Variants in ATP8B4 observed in about 807,000 individuals in gnomAD.
ATP8B4 encodes the protein probable phospholipid-transporting ATPase IM.
Under a neutral mutation model 145.6 loss-of-function variants are expected in ATP8B4, and 133 were observed. That is an observed-to-expected ratio of 0.91 (90% CI 0.79 to 1.05). The LOEUF is 1.05. Among genes scored for constraint, ATP8B4 ranks in the 50% least tolerant of loss-of-function variants. The pLI, the probability that ATP8B4 is intolerant of heterozygous loss-of-function variation, is 0.00. For synonymous variants in ATP8B4, 507 were observed against 492.9 expected, an observed-to-expected ratio of 1.03 and a Z score of -0.38; for missense variants, 1,458 against 1,425.2, an observed-to-expected ratio of 1.02 and a Z score of -0.37.
At chr15:50,066,183 A>G (rs2053371215) in intron 3 of ATP8B4, among the ~76,000 whole-genome samples, 1 of 152,152 alleles carries the variant, frequency 6.6e-6, no homozygotes, top group Non-Finnish European at 1.5e-5. Flanking sequence ...TCCAAAAAAT[A>G]TATTTTCTCC....
In ATP8B4 at chr15:49,858,641, A is replaced by G. The variant is rs1326127686; in HGVS notation, c.*1553T>C. On this transcript the variant is annotated 3_prime_UTR_variant, in exon 28 of 28. Transcript: ENST00000284509. ...AAGGACTCTGTAGAATTAGAAGTTG[A>G]TTTGTAGAAAACCATTAAGACATGA... 6.6e-6 allele frequency: 1 copy of G among 152,212 alleles called. No homozygotes were observed. Among genetic ancestry groups the G allele is most frequent in the African/African-American group, 2.4e-5 (1 of 41,460 alleles). 9.4% of individuals were successfully genotyped at this position (152,212 alleles called of 1,614,324 possible).
chr15:50,126,608 G>A (rs1296463092), intron 1 of ATP8B4, among the ~76,000 whole-genome samples: 2 of 152,140 alleles, frequency 1.3e-5, no homozygotes, highest in East Asian at 1.9e-4. Flanking sequence ...ATTATTTTAA[G>A]CTACTATTAC....
chr15:49,865,070 A>G (rs1283744749), intron 26 of ATP8B4, among the ~76,000 whole-genome samples: 1 of 152,188 alleles, frequency 6.6e-6, no homozygotes. Flanking sequence ...GCTGCTCATC[A>G]GAAAGACTAA....
At chr15:49,999,405 G>A (rs893474162) in intron 8 of ATP8B4, among the ~76,000 whole-genome samples, 3 of 147,668 alleles carry the variant, frequency 2.0e-5, no homozygotes, top group Non-Finnish European at 4.5e-5. Flanking sequence ...GAGGGCGGAG[G>A]GATAGCTTTA....
intron 18 of ATP8B4, among the ~76,000 whole-genome samples, chr15:49,919,580 G>C (rs901684173): frequency 6.6e-6 from 1 of 152,100 alleles, no homozygotes; most frequent in East Asian, 1.9e-4. Context: ...ACCGCACCCG[G>C]CTAATTTTTT....
chr15:49,938,381 C>T (rs949382560), intron 14 of ATP8B4, among the ~76,000 whole-genome samples: 4 of 152,148 alleles, frequency 2.6e-5, no homozygotes, highest in African/African-American at 7.2e-5. Flanking sequence ...CATGTAGCAA[C>T]ACCCACAGGC....
At chr15:49,965,408 T>C (rs2044436381) in intron 13 of ATP8B4, among the ~76,000 whole-genome samples, 1 of 152,162 alleles carries the variant, frequency 6.6e-6, no homozygotes, top group South Asian at 2.1e-4. Flanking sequence ...ATTGAGAAAG[T>C]GGACACTCAG....
intron 14 of ATP8B4, among the ~76,000 whole-genome samples, chr15:49,935,449 C>T (rs1005415394): frequency 2.0e-5 from 3 of 152,062 alleles, no homozygotes; most frequent in Admixed American, 6.6e-5. Flanking sequence ...GATTATTTCC[C>T]TGCCCCCTTA....
intron 23 of ATP8B4, among the ~76,000 whole-genome samples, chr15:49,893,452 T>C (rs945318037): frequency 6.6e-6 from 1 of 152,194 alleles, no homozygotes; most frequent in African/African-American, 2.4e-5. Context: ...ATACATACAA[T>C]GTAACACAAT....
intron 1 of ATP8B4, among the ~76,000 whole-genome samples, chr15:50,128,520 T>C (rs1201766582): frequency 6.6e-6 from 1 of 152,122 alleles, no homozygotes; most frequent in Non-Finnish European, 1.5e-5. Context: ...CTGGCATGGA[T>C]CCAAGGCTCC....
At chr15:50,018,414 T>C (rs2049268720) in intron 6 of ATP8B4, among the ~76,000 whole-genome samples, 1 of 152,210 alleles carries the variant, frequency 6.6e-6, no homozygotes, top group Non-Finnish European at 1.5e-5. Flanking sequence ...GTGTCAGAGC[T>C]GCAAGTGGAA....
Position 49,875,693 on chromosome 15 carries a change from A to C in ATP8B4, c.3027+585T>G, listed in dbSNP as rs139238438. 8.7e-3 allele frequency among the ~76,000 whole-genome samples: 1,329 copies of C among 152,260 alleles called. 17 individuals carry two copies. Among genetic ancestry groups the C allele is most frequent in the Non-Finnish European group, 0.011 (747 of 68,014 alleles). On this transcript the variant is annotated intron_variant, in intron 25 of 27. Coordinates refer to ENST00000284509, the MANE Select transcript of ATP8B4 (RefSeq NM_024837.4). ...AGAAATAAAAGTTTTTGTGAACTCT[A>C]ACTCAGTATCTAATGGCATTGACCA...
chr15:50,085,940 TA>T (rs2054941032), intron 2 of ATP8B4, among the ~76,000 whole-genome samples: 1 of 96,226 alleles, frequency 1.0e-5, no homozygotes, highest in Non-Finnish European at 1.8e-5. Context: ...TATATATTTA[TA>T]TATGATATAT....
intron 6 of ATP8B4, among the ~76,000 whole-genome samples, chr15:50,022,945 C>T (rs1243393188): frequency 6.6e-6 from 1 of 152,330 alleles, no homozygotes; most frequent in East Asian, 1.9e-4. Context: ...TGTTTTTCTA[C>T]TCCCTGGATA....
chr15:49,945,457 C>T lies in ATP8B4; in HGVS notation c.1288-11275G>A, dbSNP rs74580993. 2.9e-3 allele frequency among the ~76,000 whole-genome samples: 442 copies of T among 152,256 alleles called. 2 individuals carry two copies. Among genetic ancestry groups the T allele is most frequent in the African/African-American group, 0.01 (425 of 41,552 alleles). Reference sequence around the variant, plus strand: ...TAGAGTATAATTAATGCCAATCCTACTCAAACTCTTCCAAAAAAATTGATC... The same window carrying T: ...TAGAGTATAATTAATGCCAATCCTATTCAAACTCTTCCAAAAAAATTGATC... On this transcript the variant is annotated intron_variant, in intron 14 of 27. Transcript: ENST00000284509.
intron 14 of ATP8B4, among the ~76,000 whole-genome samples, chr15:49,943,478 G>A (rs73398817): frequency 0.023 from 3,503 of 151,770 alleles, 136 homozygotes; most frequent in African/African-American, 0.082. Context: ...GAAGAGAAAA[G>A]CAACTCATCA....
chr15:50,129,132 T>C (rs2057327409), intron 1 of ATP8B4, among the ~76,000 whole-genome samples: 6 of 152,188 alleles, frequency 3.9e-5, no homozygotes. Context: ...GGTAATAGTG[T>C]GAGTAAATTG....
At chr15:50,169,068 C>A (rs1282362390) in intron 1 of ATP8B4, among the ~76,000 whole-genome samples, 1 of 152,156 alleles carries the variant, frequency 6.6e-6, no homozygotes, top group Non-Finnish European at 1.5e-5. Context: ...CCTAGCCCCA[C>A]CCCCATCTGA....
intron 14 of ATP8B4, among the ~76,000 whole-genome samples, chr15:49,934,543 G>T (rs1344901879): frequency 1.3e-5 from 2 of 152,022 alleles, no homozygotes; most frequent in Non-Finnish European, 2.9e-5. Context: ...ACCCATTTGT[G>T]CAGCAATATC....
Sources: gnomAD v4.1 joint callset for allele counts (sites outside exome capture counted in the v4.1 genomes callset) on GRCh38, gnomAD v4.1.1 for gene constraint, MANE v1.5 for transcripts, NCBI Gene and HGNC (gene_info 2026-07-23, HGNC 2026-07-21) for gene names.